Variants in PLD5 observed in about 807,000 individuals in gnomAD.
PLD5 encodes the protein inactive phospholipase D5.
A neutral mutation model predicts 61.1 loss-of-function variants in PLD5; 36 were observed. The observed-to-expected ratio is 0.59, with a 90% CI of 0.45 to 0.78. The LOEUF (loss-of-function observed/expected upper bound fraction) is 0.78. PLD5 is among the 30% of genes least tolerant of loss of function. The pLI is 0.00. For missense variants in PLD5, 515 were observed against 644.4 expected, an observed-to-expected ratio of 0.80 and a Z score of 2.17; for synonymous variants, 243 against 242.8, an observed-to-expected ratio of 1.00 and a Z score of -0.01.
At chr1:242,103,132 T>C (rs2164422) in intron 8 of PLD5, among the ~76,000 whole-genome samples, 102,894 of 151,870 alleles carry the variant, frequency 0.68, 35,365 homozygotes, top group African/African-American at 0.79. Context: ...ATACCAAAAG[T>C]CCCAGACTGT....
intron 1 of PLD5, among the ~76,000 whole-genome samples, chr1:242,420,580 C>G (rs988602084): frequency 6.6e-6 from 1 of 152,176 alleles, no homozygotes; most frequent in African/African-American, 2.4e-5. Context: ...ATCATTTCCT[C>G]TCTTGCATGG....
At chr1:242,423,771 G>T (rs1002808552) in intron 1 of PLD5, among the ~76,000 whole-genome samples, 1 of 152,084 alleles carries the variant, frequency 6.6e-6, no homozygotes, top group African/African-American at 2.4e-5. Context: ...CCACGAGAAG[G>T]TCATGGTCAT....
At chr1:242,102,824 A>T (rs755278205) in intron 8 of PLD5, among the ~76,000 whole-genome samples, 1 of 152,210 alleles carries the variant, frequency 6.6e-6, no homozygotes, top group Non-Finnish European at 1.5e-5. Context: ...AAATGGCTAT[A>T]TGTGAACTAC....
At position 242,394,988 on chromosome 1, in the gene PLD5, A is replaced by C. The variant is rs1413805872; in HGVS notation, c.190-46746T>G. 5.9e-5 allele frequency among the ~76,000 whole-genome samples: 3 copies of C among 51,180 alleles called. 1 individual carries two copies. The highest frequency in any genetic ancestry group is 1.2e-4 in the Non-Finnish European group (3 of 25,316). 33.6% of individuals were successfully genotyped at this position (51,180 alleles called of 152,430 possible). A position where few individuals can be genotyped will look rare whatever the true frequency, so the allele number is the denominator to read the frequency against. The stretch of plus-strand genomic sequence containing the variant: ...ATATGATTATATATGAATATATATG[A>C]ATATATATGTATATATGAATATATA... On this transcript the variant is annotated intron_variant, in intron 1 of 9. Transcript: ENST00000536534.
At chr1:242,244,407 T>C (rs906436199) in intron 4 of PLD5, among the ~76,000 whole-genome samples, 8 of 152,184 alleles carry the variant, frequency 5.3e-5, no homozygotes, top group African/African-American at 1.9e-4. Flanking sequence ...TAGTATCTAA[T>C]TGAGTAATAG....
chr1:242,442,391 T>C (rs1666317717), intron 1 of PLD5, among the ~76,000 whole-genome samples: 1 of 152,208 alleles, frequency 6.6e-6, no homozygotes, highest in Non-Finnish European at 1.5e-5. Context: ...ACGTGCAGCA[T>C]CCAGGTATTA....
At chr1:242,297,403 CTT>C (rs71176739) in intron 2 of PLD5, among the ~76,000 whole-genome samples, 6,354 of 21,322 alleles carry the variant, frequency 0.3, 173 homozygotes, top group Middle Eastern at 0.47. Context: ...CCCTTCAAGA[CTT>C]TTTTTTTTTT....
At chr1:242,164,802 A>C (rs1032163502) in intron 5 of PLD5, among the ~76,000 whole-genome samples, 1 of 152,156 alleles carries the variant, frequency 6.6e-6, no homozygotes, top group Non-Finnish European at 1.5e-5. Context: ...GTTGCTTAGC[A>C]CTTCTATACT....
At chr1:242,187,521 TATAA>T (rs1354282679) in intron 5 of PLD5, among the ~76,000 whole-genome samples, 3 of 152,200 alleles carry the variant, frequency 2.0e-5, no homozygotes, top group Non-Finnish European at 4.4e-5. Flanking sequence ...TATACAAATA[TATAA>T]ATAAAAATCT....
chr1:242,320,740 G>T (rs1169988877), intron 2 of PLD5, among the ~76,000 whole-genome samples: 3 of 152,160 alleles, frequency 2.0e-5, no homozygotes. Flanking sequence ...ACCAGTGGGA[G>T]TTCTCCTCCC....
intron 1 of PLD5, among the ~76,000 whole-genome samples, chr1:242,411,241 GT>G (rs549437085): frequency 1.3e-5 from 2 of 151,952 alleles, no homozygotes; most frequent in Non-Finnish European, 1.5e-5. Context: ...TTTTTGTTTT[GT>G]TTTGTTTTTG....
intron 5 of PLD5, among the ~76,000 whole-genome samples, chr1:242,157,019 T>G (rs922633383): frequency 2.0e-5 from 3 of 152,178 alleles, no homozygotes; most frequent in Non-Finnish European, 4.4e-5. Flanking sequence ...TCTTTTCACA[T>G]AGTTCCATAT....
intron 3 of PLD5, among the ~76,000 whole-genome samples, chr1:242,281,628 A>T (rs1674723564): frequency 1.3e-5 from 2 of 152,172 alleles, no homozygotes; most frequent in African/African-American, 4.8e-5. Flanking sequence ...TAACTTTGCT[A>T]GATAGTGTTT....
rs551436140 is a variant in PLD5 at position 242,110,639 on chromosome 1, A to C, written c.1071-2800T>G. Among the ~76,000 whole-genome samples the C allele has an allele frequency of 4.6e-5, 7 of 152,094 alleles. 1 individual carries two copies. In the South Asian group the frequency reaches 1.2e-3, roughly 27 times the overall value. On this transcript the variant is annotated intron_variant, in intron 7 of 9. Coordinates refer to ENST00000536534, the MANE Select transcript of PLD5 (RefSeq NM_001372062.1). Reference sequence around the variant, plus strand: ...AGCCTGGCCAACATGGTGAAACCCCATCTCTACTAAAAATACAAAAATTAG... The same window carrying C: ...AGCCTGGCCAACATGGTGAAACCCCCTCTCTACTAAAAATACAAAAATTAG...
chr1:242,203,079 C>T (rs1669082752), intron 5 of PLD5, among the ~76,000 whole-genome samples: 1 of 152,220 alleles, frequency 6.6e-6, no homozygotes, highest in Non-Finnish European at 1.5e-5. Flanking sequence ...AACAACCACC[C>T]TTACAGCAAC....
intron 5 of PLD5, among the ~76,000 whole-genome samples, chr1:242,150,226 A>G (rs933919128): frequency 1.3e-5 from 2 of 151,700 alleles, no homozygotes; most frequent in East Asian, 1.9e-4. Flanking sequence ...ATGACCAACA[A>G]TATTGGCTCT....
In PLD5 at chr1:242,106,760, C is replaced by T. The variant is rs532658863; in HGVS notation, c.1239+911G>A. 3.9e-5 allele frequency among the ~76,000 whole-genome samples: 6 copies of T among 152,262 alleles called. No individual in the cohort carries two copies. The East Asian group carries it at 7.7e-4, about 20-fold the overall frequency. The stretch of plus-strand genomic sequence containing the variant: ...CTAAATGCTGCAAGGAATGCAGCTT[C>T]GTTACCTAGAAGAGAGCCTGCCACA... On this transcript the variant is annotated intron_variant, in intron 8 of 9. Transcript: ENST00000536534.
chr1:242,233,872 A>G (rs941548671), intron 4 of PLD5, among the ~76,000 whole-genome samples: 3 of 152,208 alleles, frequency 2.0e-5, no homozygotes, highest in Non-Finnish European at 2.9e-5. Context: ...GTGGCCTCCA[A>G]CAAAGTCAGA....
intron 1 of PLD5, among the ~76,000 whole-genome samples, chr1:242,520,903 C>G (rs1187320551): frequency 1.3e-5 from 2 of 152,148 alleles, no homozygotes; most frequent in Non-Finnish European, 2.9e-5. Context: ...TACATTAGAC[C>G]TAAAGTAAAT....
Sources: allele counts gnomAD v4.1 joint callset (sites outside exome capture counted in the v4.1 genomes callset), GRCh38; gene constraint gnomAD v4.1.1; transcripts MANE v1.5; gene names NCBI Gene and HGNC (gene_info 2026-07-23, HGNC 2026-07-21).